The following CHCHD3 variants were observed in gnomAD, a reference collection of about 807,000 sequenced individuals.
The protein encoded by CHCHD3 is MICOS complex subunit MIC19.
CHCHD3 carries 20 observed loss-of-function variants against 38.2 expected under a neutral mutation model. The observed-to-expected ratio is 0.52, with a 90% CI of 0.37 to 0.76. The LOEUF (loss-of-function observed/expected upper bound fraction) is 0.76. CHCHD3 is among the 30% of genes least tolerant of loss of function. The pLI, the probability that CHCHD3 is intolerant of heterozygous loss-of-function variation, is 0.00. For synonymous variants in CHCHD3, 82 were observed against 100.0 expected (o/e 0.82, Z 1.07); for missense variants, 245 against 279.2 (o/e 0.88, Z 0.87).
At chr7:132,912,996 C>T (rs191395797) in intron 4 of CHCHD3, among the ~76,000 whole-genome samples, 1 of 152,356 alleles carries the variant, frequency 6.6e-6, no homozygotes, top group Admixed American at 6.5e-5. Flanking sequence ...TTCTGCTCAG[C>T]AGCCCACATG....
intron 4 of CHCHD3, among the ~76,000 whole-genome samples, chr7:132,891,479 C>G (rs1048365231): frequency 2.0e-5 from 3 of 152,180 alleles, no homozygotes; most frequent in Non-Finnish European, 2.9e-5. Flanking sequence ...CCCATTCTTC[C>G]AATAGACTTC....
chr7:132,933,841 C>T (rs1810572863), intron 4 of CHCHD3, among the ~76,000 whole-genome samples: 1 of 152,202 alleles, frequency 6.6e-6, no homozygotes, highest in South Asian at 2.1e-4. Flanking sequence ...CCTGGGGACA[C>T]ACATACAGGA....
At chr7:132,897,349 C>A (rs988148908) in intron 4 of CHCHD3, among the ~76,000 whole-genome samples, 2 of 152,052 alleles carry the variant, frequency 1.3e-5, no homozygotes, top group Non-Finnish European at 2.9e-5. Flanking sequence ...AATTCCTTTT[C>A]TTTGTACTAA....
chr7:132,803,470 A>G (rs990278250), intron 6 of CHCHD3, among the ~76,000 whole-genome samples: 1 of 152,228 alleles, frequency 6.6e-6, no homozygotes, highest in African/African-American at 2.4e-5. Context: ...CAATGCATCA[A>G]TCATAGATTT....
intron 2 of CHCHD3, among the ~76,000 whole-genome samples, chr7:133,064,690 A>G (rs887924141): frequency 2.0e-5 from 3 of 152,256 alleles, no homozygotes; most frequent in African/African-American, 7.2e-5. Flanking sequence ...TAGTGATCTC[A>G]GTGATATACT....
chr7:132,942,590 T>C (rs1325831525), intron 4 of CHCHD3, among the ~76,000 whole-genome samples: 1 of 152,180 alleles, frequency 6.6e-6, no homozygotes, highest in African/African-American at 2.4e-5. Context: ...TTGGAAGAAT[T>C]TTCTGTTTCT....
At chr7:133,034,992 A>G (rs750868802) in intron 2 of CHCHD3, 31 of 1,608,734 alleles carry the variant, frequency 1.9e-5, no homozygotes, top group Non-Finnish European at 2.3e-5. Flanking sequence ...GTGCTCCCAG[A>G]AATATGGCAG....
chr7:132,973,441 T>A (rs1562926058), intron 4 of CHCHD3: 1 of 985,420 alleles, frequency 1.0e-6, no homozygotes, highest in African/African-American at 1.7e-5. Context: ...TACAACAAAT[T>A]TAATTTTCAG....
chr7:132,985,277 C>T (rs1203873852), intron 3 of CHCHD3, among the ~76,000 whole-genome samples: 12 of 67,532 alleles, frequency 1.8e-4, no homozygotes, highest in Middle Eastern at 8.6e-3. Context: ...CCCGGCCAGC[C>T]GCCCCGTCCG....
At chr7:133,016,600 A>G (rs1236378923) in intron 3 of CHCHD3, among the ~76,000 whole-genome samples, 1 of 152,210 alleles carries the variant, frequency 6.6e-6, no homozygotes, top group East Asian at 1.9e-4. Context: ...AACGGTGCCA[A>G]TGTTTGGAAG....
intron 4 of CHCHD3, among the ~76,000 whole-genome samples, chr7:132,888,797 T>C (rs1809283783): frequency 6.6e-6 from 1 of 151,826 alleles, no homozygotes; most frequent in Admixed American, 6.6e-5. Flanking sequence ...ACTCAAAATA[T>C]TAAGTGAGAA....
Position 132,984,062 on chromosome 7 carries a change from T to G in CHCHD3, c.252-8776A>C, listed in dbSNP as rs546547229. 1.1e-3 allele frequency among the ~76,000 whole-genome samples: 161 copies of G among 150,638 alleles called. 1 individual carries two copies. Among genetic ancestry groups the G allele is most frequent in the African/African-American group, 3.9e-3 (159 of 41,216 alleles). ...TCTCCCTCTCCCCATGGTCTCCCTC[T>G]CCCCACGGTCTCCCTCTCCCTCTCT... On this transcript the variant is annotated intron_variant, in intron 3 of 7. Transcript: ENST00000262570.
chr7:132,940,426 T>C (rs1374972757), intron 4 of CHCHD3, among the ~76,000 whole-genome samples: 1 of 152,180 alleles, frequency 6.6e-6, no homozygotes, highest in Non-Finnish European at 1.5e-5. Context: ...TGTGAATCCC[T>C]GATTAAATTT....
Position 132,975,117 on chromosome 7 carries a change from T to C in CHCHD3, c.369+52A>G, listed in dbSNP as rs761275236. 8.1e-6 allele frequency: 11 copies of C among 1,360,226 alleles called. No homozygotes were observed. In the Admixed American group the frequency reaches 1.7e-4, roughly 21 times the overall value. 84.3% of individuals were successfully genotyped at this position (1,360,226 alleles called of 1,614,324 possible). A position where few individuals can be genotyped will look rare whatever the true frequency, so the allele number is the denominator to read the frequency against. ...CAGAGTACTTAGCTCTTCCCAAACA[T>C]CAGAGATTTCCTTGTAGGCAAGAAA... On this transcript the variant is annotated intron_variant, in intron 4 of 7. Transcript: ENST00000262570.
chr7:133,072,493 A>G (rs1814853126), intron 1 of CHCHD3, among the ~76,000 whole-genome samples: 1 of 152,154 alleles, frequency 6.6e-6, no homozygotes, highest in Non-Finnish European at 1.5e-5. Context: ...CCTGGATCAG[A>G]TACTTTATCA....
intron 3 of CHCHD3, among the ~76,000 whole-genome samples, chr7:132,976,099 C>A (rs1388676172): frequency 1.3e-5 from 2 of 152,286 alleles, no homozygotes; most frequent in Non-Finnish European, 2.9e-5. Context: ...GATGTTACAG[C>A]ACAGCAGAGA....
At chr7:133,074,557 A>G (rs1197848001) in intron 1 of CHCHD3, among the ~76,000 whole-genome samples, 1 of 152,152 alleles carries the variant, frequency 6.6e-6, no homozygotes, top group African/African-American at 2.4e-5. Context: ...CCTGAGTAAT[A>G]TTCAGTTACT....
intron 4 of CHCHD3, among the ~76,000 whole-genome samples, chr7:132,941,165 T>C (rs1040679549): frequency 4.6e-5 from 7 of 152,184 alleles, no homozygotes; most frequent in African/African-American, 7.2e-5. Context: ...CTCCTCAAAT[T>C]TGAGACTATA....
chr7:133,031,463 T>C (rs529044964), intron 2 of CHCHD3, among the ~76,000 whole-genome samples: 4 of 152,202 alleles, frequency 2.6e-5, no homozygotes, highest in South Asian at 2.1e-4. Flanking sequence ...CTAATTTCCT[T>C]TGTAACTTTT....
Sources: gnomAD v4.1 joint callset for allele counts (sites outside exome capture counted in the v4.1 genomes callset) on GRCh38, gnomAD v4.1.1 for gene constraint, MANE v1.5 for transcripts, NCBI Gene and HGNC (gene_info 2026-07-23, HGNC 2026-07-21) for gene names.